The following UNC13C variants were observed in gnomAD, a reference collection of about 807,000 sequenced individuals.
The protein encoded by UNC13C is unc-13 homolog C, also known as protein unc-13 homolog C.
UNC13C carries 174 observed loss-of-function variants against 245.4 expected under a neutral mutation model. The ratio of observed to expected loss-of-function variants is 0.71; its 90% CI spans 0.63 to 0.80. UNC13C has a LOEUF of 0.80. Ranked by LOEUF, UNC13C falls within the 30% of genes least tolerant of loss-of-function variation. The pLI is 0.00. For synonymous variants in UNC13C, 992 were observed against 895.1 expected (o/e 1.11, Z -1.93); for missense variants, 2,829 against 2,602.9 (o/e 1.09, Z -1.89).
intron 2 of UNC13C, among the ~76,000 whole-genome samples, chr15:54,018,926 T>TA (rs1304699139): frequency 1.3e-5 from 2 of 152,074 alleles, no homozygotes; most frequent in African/African-American, 2.4e-5. Flanking sequence ...GGATACTAAA[T>TA]AAAAAAACAC....
chr15:54,012,202 T>C (rs1414134215), intron 1 of UNC13C, among the ~76,000 whole-genome samples: 1 of 152,178 alleles, frequency 6.6e-6, no homozygotes, highest in African/African-American at 2.4e-5. Context: ...AGGTTATATA[T>C]ATATAGATAA....
intron 2 of UNC13C, among the ~76,000 whole-genome samples, chr15:54,041,000 T>C (rs1396520040): frequency 6.6e-6 from 1 of 152,226 alleles, no homozygotes; most frequent in East Asian, 1.9e-4. Flanking sequence ...ACTTAGCCTT[T>C]GAATTCACTG....
chr15:54,056,689 A>C (rs1595781493), intron 2 of UNC13C, among the ~76,000 whole-genome samples: 1 of 152,160 alleles, frequency 6.6e-6, no homozygotes, highest in African/African-American at 2.4e-5. Flanking sequence ...TGAAGGAAAA[A>C]ATGTTAAGGG....
rs117392024 is a variant in UNC13C, at chr15:54,222,612, A to G, written c.3072-12418A>G. Among the ~76,000 whole-genome samples the G allele has an allele frequency of 3.5e-3, 531 of 152,236 alleles. 5 individuals carry two copies. In the East Asian group the frequency reaches 0.04, roughly 11 times the overall value. On this transcript the variant is annotated intron_variant, in intron 4 of 32. Transcript: ENST00000260323. Reference sequence around the variant, plus strand: ...CCTTTCCTTTGGGTATATACCTAGCAGTGAGATTGCTGGGTCATATGGTAG... The same window carrying G: ...CCTTTCCTTTGGGTATATACCTAGCGGTGAGATTGCTGGGTCATATGGTAG...
the UNC13C span, among the ~76,000 whole-genome samples, chr15:53,931,967 C>T: frequency 6.6e-6 from 1 of 152,150 alleles, no homozygotes; most frequent in Non-Finnish European, 1.5e-5. Flanking sequence ...ATCCAAAATA[C>T]ACCCCTCATG....
At chr15:54,323,273 T>C (rs1284265122) in intron 14 of UNC13C, among the ~76,000 whole-genome samples, 1 of 152,010 alleles carries the variant, frequency 6.6e-6, no homozygotes, top group Non-Finnish European at 1.5e-5. Context: ...GAAAGAGAAA[T>C]GCATGCGAGG....
At chr15:54,599,660 T>C (rs1183975048) in intron 30 of UNC13C, among the ~76,000 whole-genome samples, 1 of 152,076 alleles carries the variant, frequency 6.6e-6, no homozygotes, top group East Asian at 1.9e-4. Context: ...CATGGTTGTC[T>C]AGACTGTTTT....
At chr15:54,283,492 A>G (rs2140920404) in intron 10 of UNC13C, among the ~76,000 whole-genome samples, 1 of 152,254 alleles carries the variant, frequency 6.6e-6, no homozygotes, top group East Asian at 1.9e-4. Flanking sequence ...ATTTTATTGT[A>G]TCAGTATATA....
At position 54,532,921 on chromosome 15, in the gene UNC13C, C is replaced by T; in HGVS notation, c.5551C>T (p.Gln1851Ter). 6.6e-7 allele frequency: 1 copy of T among 1,524,394 alleles called. No individual in the cohort carries two copies. The highest frequency in any genetic ancestry group is 8.9e-7 in the Non-Finnish European group (1 of 1,126,816). The allele number at this position is 1,524,394 out of a possible 1,614,324, so 94.4% of individuals were successfully genotyped here. A position where few individuals can be genotyped will look rare whatever the true frequency, so the allele number is the denominator to read the frequency against. ...ATTTATATTCTTTATTTTTAGTTTC[C>T]AGGTTATAATTGAAGAGTGTATAAA... Reference protein sequence around the residue: ...ELSVTYGESFQVIIEECIKQM... With the variant: ...ELSVTYGESF The change falls in exon 26 of 33, where the codon CAG (glutamine) becomes TAG (stop). Residue 1851 changes from glutamine to a stop codon, truncating the protein, a stop_gained. Coordinates refer to ENST00000260323, the MANE Select transcript of UNC13C (RefSeq NM_001080534.3). LOFTEE classifies it high-confidence loss of function.
At chr15:53,870,728 G>A in the UNC13C span, among the ~76,000 whole-genome samples, 1 of 152,068 alleles carries the variant, frequency 6.6e-6, no homozygotes, top group Non-Finnish European at 1.5e-5. Context: ...CTAAAAAGAG[G>A]GTCTTATCCT....
Position 54,612,345 on chromosome 15 carries a change from T to C in UNC13C, c.6107-9982T>C, listed in dbSNP as rs151096188. Among the ~76,000 whole-genome samples, 305 of 152,176 alleles carry C rather than the reference T, an allele frequency of 2.0e-3. 2 individuals carry two copies. The highest frequency in any genetic ancestry group is 7.0e-3 in the African/African-American group (289 of 41,578). On this transcript the variant is annotated intron_variant, in intron 30 of 32. Transcript: ENST00000260323. ...CCACATGAACCAGTTAAATTTCTTT[T>C]TGTGAATTGTCTATTTCTTTCTTCA...
intron 17 of UNC13C, among the ~76,000 whole-genome samples, chr15:54,377,013 G>A (rs988727449): frequency 1.3e-5 from 2 of 152,188 alleles, no homozygotes; most frequent in Non-Finnish European, 2.9e-5. Flanking sequence ...GAGAGGAGAA[G>A]CCCTTGTGAA....
chr15:54,301,969 A>G (rs2037596146), intron 13 of UNC13C, among the ~76,000 whole-genome samples: 1 of 152,066 alleles, frequency 6.6e-6, no homozygotes, highest in South Asian at 2.1e-4. Flanking sequence ...TGACTTTTTA[A>G]TGATCACCAT....
intron 13 of UNC13C, among the ~76,000 whole-genome samples, chr15:54,308,742 A>G (rs1345930616): frequency 6.6e-6 from 1 of 151,716 alleles, no homozygotes; most frequent in Non-Finnish European, 1.5e-5. Flanking sequence ...TCACATATGA[A>G]TGAGATGATC....
chr15:54,627,137 A>G lies in UNC13C; in HGVS notation c.*24A>G, dbSNP rs752495627. 1.3e-5 allele frequency: 20 copies of G among 1,584,042 alleles called. No homozygotes were observed. Among genetic ancestry groups the G allele is most frequent in the Non-Finnish European group, 1.7e-5 (20 of 1,165,078 alleles). On this transcript the variant is annotated 3_prime_UTR_variant, in exon 33 of 33. Transcript: ENST00000260323. Reference sequence around the variant, plus strand: ...GAAACAAACACTGCAAGCTAAATACATAACTATAATTGTTTGACTACTGCA... The same window carrying G: ...GAAACAAACACTGCAAGCTAAATACGTAACTATAATTGTTTGACTACTGCA...
chr15:54,250,147 A>G, intron 7 of UNC13C, 78 bp from the exon 8 acceptor site: 1 of 1,371,674 alleles, frequency 7.3e-7, no homozygotes, highest in Non-Finnish European at 1.0e-6. Flanking sequence ...GAAAAGTGAT[A>G]AAATGGTTTG....
intron 28 of UNC13C, among the ~76,000 whole-genome samples, chr15:54,551,831 A>G (rs1034404975): frequency 6.6e-6 from 1 of 151,990 alleles, no homozygotes; most frequent in African/African-American, 2.4e-5. Context: ...TAAATCTCCT[A>G]CAGTATTATG....
chr15:54,390,597 A>T (rs544970591), intron 17 of UNC13C, among the ~76,000 whole-genome samples: 79 of 152,152 alleles, frequency 5.2e-4, no homozygotes, highest in African/African-American at 1.9e-3. Flanking sequence ...CTATTAAATG[A>T]TTTATAATTA....
intron 8 of UNC13C, among the ~76,000 whole-genome samples, chr15:54,253,504 T>C (rs1269936935): frequency 2.6e-5 from 4 of 152,246 alleles, no homozygotes; most frequent in Non-Finnish European, 5.9e-5. Context: ...TTATACTCCT[T>C]CAATAAAATC....
Sources: allele counts gnomAD v4.1 joint callset (sites outside exome capture counted in the v4.1 genomes callset), GRCh38; gene constraint gnomAD v4.1.1; transcripts MANE v1.5; gene names NCBI Gene and HGNC (gene_info 2026-07-23, HGNC 2026-07-21).